SLC25A48: variants seen among roughly 807,000 people sequenced by gnomAD.
The protein encoded by SLC25A48 is CTC-321K16.1.
Under a neutral mutation model 32.2 loss-of-function variants are expected in SLC25A48, and 29 were observed. That is an observed-to-expected ratio of 0.90 (90% confidence interval 0.67 to 1.23). The LOEUF (loss-of-function observed/expected upper bound fraction) is 1.23, where lower values mean the gene tolerates loss of function less well. Ranked by LOEUF, SLC25A48 falls within the 50% of genes most tolerant of loss-of-function variation. The probability of loss-of-function intolerance (pLI) is 0.00; values close to 1 mark genes in which losing one functional copy is unlikely to be tolerated. For missense variants in SLC25A48, 399 were observed against 422.7 expected, an observed-to-expected ratio of 0.94 and a Z score of 0.49; for synonymous variants, 164 against 172.3, an observed-to-expected ratio of 0.95 and a Z score of 0.38.
intron 3 of SLC25A48, among the ~76,000 whole-genome samples, chr5:135,685,677 G>A (rs935304501): frequency 2.0e-5 from 3 of 152,186 alleles, no homozygotes; most frequent in African/African-American, 4.8e-5. Context: ...ACCCACCTCG[G>A]CCTTCCAAAG....
chr5:135,602,820 G>A (rs946251654), intron 1 of SLC25A48, among the ~76,000 whole-genome samples: 2 of 151,910 alleles, frequency 1.3e-5, no homozygotes, highest in African/African-American at 2.4e-5. Flanking sequence ...GTGTCCAAGC[G>A]TTCTCATTGT....
At chr5:135,817,067 A>C (rs2126656221) in intron 4 of SLC25A48, among the ~76,000 whole-genome samples, 1 of 152,374 alleles carries the variant, frequency 6.6e-6, no homozygotes. Context: ...TTGGCAGACT[A>C]TCCTAGCTAT....
chr5:135,599,758 G>T (rs1751743725), intron 1 of SLC25A48, among the ~76,000 whole-genome samples: 2 of 152,094 alleles, frequency 1.3e-5, no homozygotes, highest in Non-Finnish European at 2.9e-5. Flanking sequence ...TATCCAGCCA[G>T]TGTTTCTTGG....
intron 3 of SLC25A48, among the ~76,000 whole-genome samples, chr5:135,773,835 A>AG (rs1180742829): frequency 4.1e-5 from 6 of 148,128 alleles, no homozygotes; most frequent in African/African-American, 1.5e-4. Flanking sequence ...TAATATCCAG[A>AG]GGGGGGAGGG....
intron 1 of SLC25A48, among the ~76,000 whole-genome samples, chr5:135,598,632 G>T (rs1202973749): frequency 6.6e-6 from 1 of 152,152 alleles, no homozygotes; most frequent in Non-Finnish European, 1.5e-5. Flanking sequence ...TGCTGAACAG[G>T]TCGGCTAAGT....
chr5:135,759,525 A>G (rs1756009369), intron 3 of SLC25A48, among the ~76,000 whole-genome samples: 2 of 152,154 alleles, frequency 1.3e-5, no homozygotes, highest in Non-Finnish European at 2.9e-5. Flanking sequence ...CTTCTTCAGC[A>G]CATAGTTACT....
chr5:135,877,933 C>T (rs192916714), intron 6 of SLC25A48, among the ~76,000 whole-genome samples: 1 of 152,312 alleles, frequency 6.6e-6, no homozygotes, highest in East Asian at 1.9e-4. Flanking sequence ...AAGGGAATGA[C>T]AGGCTGTTAA....
chr5:135,881,913 T>C (rs1762498052), intron 7 of SLC25A48, among the ~76,000 whole-genome samples: 1 of 152,198 alleles, frequency 6.6e-6, no homozygotes, highest in Non-Finnish European at 1.5e-5. Flanking sequence ...AATCTTCAGC[T>C]ACAAGATGGT....
intron 4 of SLC25A48, among the ~76,000 whole-genome samples, chr5:135,855,632 C>A (rs906273358): frequency 4.6e-5 from 7 of 152,188 alleles, no homozygotes; most frequent in African/African-American, 1.2e-4. Flanking sequence ...GCCCCTTGTT[C>A]AAAAATTATG....
chr5:135,646,678 T>TATATATATATACACAC lies in SLC25A48; in HGVS notation c.-521+11723_-521+11724insTATATATATACACACA, dbSNP rs966073970. Among the ~76,000 whole-genome samples the TATATATATATACACAC allele has an allele frequency of 2.2e-5, 3 of 136,750 alleles. 1 individual carries two copies. The highest frequency in any genetic ancestry group is 8.2e-5 in the African/African-American group (3 of 36,426). The allele number at this position is 136,750 out of a possible 152,430, so 89.7% of individuals were successfully genotyped here. On this transcript the variant is annotated intron_variant, in intron 3 of 10. Transcript: ENST00000646290. ...TTCCCATTATATATATATATATATA[T>TATATATATATACACAC]ACAATGGGAAGGACATAATGCTAAG...
intron 3 of SLC25A48, among the ~76,000 whole-genome samples, chr5:135,644,652 T>C (rs1164596541): frequency 6.6e-6 from 1 of 152,124 alleles, no homozygotes; most frequent in Non-Finnish European, 1.5e-5. Flanking sequence ...GCCACCCAGC[T>C]GATGAATGAT....
intron 3 of SLC25A48, among the ~76,000 whole-genome samples, chr5:135,646,659 T>TTTTATATATATATATATATA (rs1339935279): frequency 2.4e-5 from 3 of 125,400 alleles, no homozygotes; most frequent in African/African-American, 9.0e-5. Context: ...TAATTTCCCA[T>TTTTATATATATATATATATA]TATATATATA....
At chr5:135,613,197 A>G (rs1436864725) in intron 1 of SLC25A48, among the ~76,000 whole-genome samples, 1 of 151,822 alleles carries the variant, frequency 6.6e-6, no homozygotes, top group Admixed American at 6.5e-5. Flanking sequence ...TTTTTCATAT[A>G]CCTGTTGTCT....
intron 1 of SLC25A48, among the ~76,000 whole-genome samples, chr5:135,595,775 T>A (rs1290798615): frequency 6.6e-6 from 1 of 152,254 alleles, no homozygotes; most frequent in Non-Finnish European, 1.5e-5. Context: ...GAAGAAATAC[T>A]TGTAAAGCCC....
chr5:135,793,396 A>G (rs1757085031), intron 3 of SLC25A48, among the ~76,000 whole-genome samples: 1 of 151,444 alleles, frequency 6.6e-6, no homozygotes, highest in African/African-American at 2.4e-5. Context: ...TTTTGGGGAG[A>G]TATTACTCTC....
intron 3 of SLC25A48, among the ~76,000 whole-genome samples, chr5:135,645,611 G>A (rs1220966958): frequency 1.3e-5 from 2 of 152,188 alleles, no homozygotes; most frequent in East Asian, 3.8e-4. Context: ...AGTGTTTTTA[G>A]GGAAGACAGG....
chr5:135,774,512 T>G (rs1756497574), intron 3 of SLC25A48, among the ~76,000 whole-genome samples: 1 of 151,286 alleles, frequency 6.6e-6, no homozygotes, highest in East Asian at 2.0e-4. Context: ...GGCATGCACA[T>G]GCCCCCTGTG....
At chr5:135,593,608 C>T (rs986284798) in intron 1 of SLC25A48, among the ~76,000 whole-genome samples, 11 of 152,180 alleles carry the variant, frequency 7.2e-5, no homozygotes, top group Non-Finnish European at 5.9e-5. Context: ...TGGAGGACAG[C>T]GCCTTCAGGT....
intron 3 of SLC25A48, among the ~76,000 whole-genome samples, chr5:135,795,206 A>G (rs1381370438): frequency 1.3e-5 from 2 of 151,782 alleles, no homozygotes; most frequent in African/African-American, 4.8e-5. Flanking sequence ...ATTACTTCTC[A>G]TATTTCATGG....
Sources: allele counts gnomAD v4.1 joint callset (sites outside exome capture counted in the v4.1 genomes callset), GRCh38; gene constraint gnomAD v4.1.1; transcripts MANE v1.5; gene names NCBI Gene and HGNC (gene_info 2026-07-23, HGNC 2026-07-21).